SRL: variants seen among roughly 807,000 people sequenced by gnomAD.
SRL encodes the protein sarcalumenin.
In SRL, 23 loss-of-function variants were observed where a neutral mutation model predicts 39.5. The observed-to-expected ratio is 0.58, with a 90% CI of 0.42 to 0.82. The LOEUF (loss-of-function observed/expected upper bound fraction) is 0.82. Ranked by LOEUF, SRL falls within the 40% of genes least tolerant of loss-of-function variation. SRL has a pLI of 0.00. For missense variants in SRL, 592 were observed against 607.8 expected, an observed-to-expected ratio of 0.97 and a Z score of 0.27; for synonymous variants, 272 against 237.4, an observed-to-expected ratio of 1.15 and a Z score of -1.34.
intron 2 of SRL, 89 bp downstream of exon 2, chr16:4,204,444 G>GATACAGCCCCGGCACC: frequency 1.5e-6 from 1 of 687,530 alleles, no homozygotes; most frequent in South Asian, 1.8e-5. Context: ...GCCCCGGCAC[G>GATACAGCCCCGGCACC]CCCTGGCTCT....
At position 4,192,782 on chromosome 16, in the gene SRL, G is replaced by A. The variant is rs1230523716; in HGVS notation, c.793C>T (p.Leu265Phe). 6.2e-7 allele frequency: 1 copy of A among 1,614,196 alleles called. No individual in the cohort carries two copies. The highest frequency in any genetic ancestry group is 1.3e-5 in the African/African-American group (1 of 75,040). ...NKADNLATQMLMRVYGALFWS... is the reference protein window; with the variant it reads ...NKADNLATQMFMRVYGALFWS... ...AAGAGGGCCCCGTAAACCCGCATGA[G>A]CATTTGGGTGGCCAGATTGTCAGCC... The change falls in exon 6 of 6, where the codon CTC (leucine) becomes TTC (phenylalanine). Residue 265 changes from leucine (L) to phenylalanine (F), a missense_variant. Transcript: ENST00000399609. The surrounding 1 kb of genome is among the most constrained non-coding windows in gnomAD (Gnocchi z 4.0).
intron 5 of SRL, among the ~76,000 whole-genome samples, chr16:4,194,530 G>A (rs1203391407): frequency 6.6e-6 from 1 of 152,172 alleles, no homozygotes; most frequent in Non-Finnish European, 1.5e-5. Flanking sequence ...TCAACCTACA[G>A]CAGGCCCAGG....
chr16:4,200,657 G>C lies in SRL; in HGVS notation c.259+2509C>G, dbSNP rs140309792. ...GCCAAGAGAGAAAGAAAAACCCTTCGGGAGGCTCTGCAAGCTCATACCAAT... is the reference window on the plus strand; with the variant it reads ...GCCAAGAGAGAAAGAAAAACCCTTCCGGAGGCTCTGCAAGCTCATACCAAT... On this transcript the variant is annotated intron_variant, in intron 3 of 5. Coordinates refer to ENST00000399609, the MANE Select transcript of SRL (RefSeq NM_001098814.2). Among the ~76,000 whole-genome samples the C allele has an allele frequency of 3.6e-3, 553 of 152,294 alleles. 2 individuals are homozygous for C. The highest frequency in any genetic ancestry group is 0.013 in the African/African-American group (521 of 41,542).
At chr16:4,227,414 T>C (rs111208289) in intron 1 of SRL, among the ~76,000 whole-genome samples, 74 of 149,686 alleles carry the variant, frequency 4.9e-4, no homozygotes, top group Admixed American at 8.6e-4. Context: ...GATGGATGGG[T>C]AGACTGATGG....
At chr16:4,201,396 C>G (rs1284291098) in intron 3 of SRL, among the ~76,000 whole-genome samples, 1 of 151,798 alleles carries the variant, frequency 6.6e-6, no homozygotes, top group Non-Finnish European at 1.5e-5. Context: ...CGTACCTCAG[C>G]TTCCCCAGTA....
intron 3 of SRL, among the ~76,000 whole-genome samples, chr16:4,199,844 G>T (rs758859751): frequency 6.6e-6 from 1 of 151,442 alleles, no homozygotes; most frequent in Non-Finnish European, 1.5e-5. Flanking sequence ...CTACAGGTGC[G>T]TGCCACCACG....
chr16:4,221,381 T>G (rs34079572), intron 1 of SRL, among the ~76,000 whole-genome samples: 2 of 152,042 alleles, frequency 1.3e-5, no homozygotes, highest in Non-Finnish European at 2.9e-5. Context: ...GGCAGCCTCA[T>G]GGCCACACAG....
chr16:4,231,083 C>T (rs1296099629), intron 1 of SRL, among the ~76,000 whole-genome samples: 1 of 152,082 alleles, frequency 6.6e-6, no homozygotes, highest in Non-Finnish European at 1.5e-5. Context: ...TTTGGGAGGC[C>T]AAGGTAGGAT....
chr16:4,195,570 C>T lies in SRL; in HGVS notation c.593G>A (p.Arg198His), dbSNP rs770165626. 20 of 1,614,062 alleles carry T rather than the reference C, an allele frequency of 1.2e-5. No homozygotes were observed. The Admixed American group carries it at 2.3e-4, about 19-fold the overall frequency. The change falls in exon 5 of 6, where the codon CGC (arginine) becomes CAC (histidine). Residue 198 changes from arginine (R) to histidine (H), a missense_variant. Arg to His is a conservative substitution (Grantham distance 29, BLOSUM62 0). Transcript: ENST00000399609. The stretch of plus-strand genomic sequence containing the variant: ...TAAATTACCTCTTTCTTGCTGCTTG[C>T]GGTTCTCGATGATGCCTGGTGTATC... ...FVDTPGIIEN[R>H]KQQERGYPFN...
intron 1 of SRL, among the ~76,000 whole-genome samples, chr16:4,218,012 T>C (rs2052479988): frequency 6.6e-6 from 1 of 152,066 alleles, no homozygotes; most frequent in South Asian, 2.1e-4. Context: ...GCGCTCTTGG[T>C]GAAGTTCTGG....
intron 5 of SRL, among the ~76,000 whole-genome samples, chr16:4,194,330 C>T (rs1024938590): frequency 2.0e-5 from 3 of 152,224 alleles, no homozygotes; most frequent in African/African-American, 7.2e-5. Flanking sequence ...CCCTTCCCCC[C>T]AGCCCCTGGT....
chr16:4,199,364 CTTTTTTTT>C (rs71139622), intron 3 of SRL, among the ~76,000 whole-genome samples: 6,311 of 85,044 alleles, frequency 0.074, 290 homozygotes, highest in East Asian at 0.39. Context: ...TATTCCCCAT[CTTTTTTTT>C]TTTTTTTTTT....
chr16:4,205,274 A>C (rs2052304063), intron 1 of SRL, among the ~76,000 whole-genome samples: 1 of 152,162 alleles, frequency 6.6e-6, no homozygotes, highest in Non-Finnish European at 1.5e-5. Flanking sequence ...TGACCACCCC[A>C]CTGCACTCCA....
At chr16:4,215,669 C>A (rs898525159) in intron 1 of SRL, among the ~76,000 whole-genome samples, 12 of 152,104 alleles carry the variant, frequency 7.9e-5, no homozygotes, top group Admixed American at 1.3e-4. Context: ...CTTAGCCCAC[C>A]CTCTTCTACT....
chr16:4,199,643 T>C (rs1436450117), intron 3 of SRL, among the ~76,000 whole-genome samples: 1 of 151,484 alleles, frequency 6.6e-6, no homozygotes. Context: ...AGTGCTTCTA[T>C]TGCAGGCATG....
At chr16:4,204,353 C>T (rs2052282029) in intron 2 of SRL, among the ~76,000 whole-genome samples, 180 bp downstream of exon 2, 1 of 89,388 alleles carries the variant, frequency 1.1e-5, no homozygotes, top group Non-Finnish European at 2.6e-5. Flanking sequence ...CTCCACGAAG[C>T]CTCCCACCTT....
chr16:4,190,065 T>G lies in SRL; in HGVS notation c.*2088A>C. On this transcript the variant is annotated 3_prime_UTR_variant, in exon 6 of 6. Coordinates refer to ENST00000399609, the MANE Select transcript of SRL (RefSeq NM_001098814.2). ...TGGATGCCCCTTGCAGAACTCACTG[T>G]TCTTTCCTGGTCGACTCGTTCCTTG... 2.5e-6 allele frequency: 1 copy of G among 392,372 alleles called. No homozygotes were observed. Among genetic ancestry groups the G allele is most frequent in the Non-Finnish European group, 4.5e-6 (1 of 222,696 alleles). The allele number at this position is 392,372 out of a possible 1,614,324, so 24.3% of individuals were successfully genotyped here.
chr16:4,197,569 G>A (rs938728623), intron 4 of SRL, among the ~76,000 whole-genome samples: 1 of 151,634 alleles, frequency 6.6e-6, no homozygotes, highest in Non-Finnish European at 1.5e-5. Flanking sequence ...TTACAGGAAC[G>A]TGTCACCATG....
chr16:4,232,915 G>A (rs2052674884), intron 1 of SRL, among the ~76,000 whole-genome samples: 3 of 152,170 alleles, frequency 2.0e-5, no homozygotes, highest in Admixed American at 1.3e-4. Context: ...TCCAGTGGTG[G>A]GGGGAGGCGG....
Sources: gnomAD v4.1 joint callset for allele counts (sites outside exome capture counted in the v4.1 genomes callset) on GRCh38, gnomAD v4.1.1 for gene constraint, Gnocchi (gnomAD v3.1) non-coding constraint, MANE v1.5 for transcripts, NCBI Gene and HGNC (gene_info 2026-07-23, HGNC 2026-07-21) for gene names.